The following EFL1 variants were observed in gnomAD, a reference collection of about 807,000 sequenced individuals.
EFL1 encodes elongation factor-like GTPase 1.
EFL1 carries 76 observed loss-of-function variants against 126.7 expected under a neutral mutation model. The ratio of observed to expected loss-of-function variants is 0.60; its 90% CI spans 0.50 to 0.73. The LOEUF is 0.73. Ranked by LOEUF, EFL1 falls within the 30% of genes least tolerant of loss-of-function variation. The probability of loss-of-function intolerance (pLI) is 0.00; values close to 1 mark genes in which losing one functional copy is unlikely to be tolerated. For missense variants in EFL1, 1,128 were observed against 1,343.2 expected (o/e 0.84, Z 2.50); for synonymous variants, 410 against 448.4 (o/e 0.91, Z 1.08).
At chr15:82,162,548 A>G (rs973350552) in intron 16 of EFL1, among the ~76,000 whole-genome samples, 2 of 152,238 alleles carry the variant, frequency 1.3e-5, no homozygotes, top group African/African-American at 4.8e-5. Context: ...ACGAAAGGCC[A>G]GGATCTGAAC....
chr15:82,225,109 T>C, intron 12 of EFL1, 56 bp downstream of exon 12: 4 of 1,407,748 alleles, frequency 2.8e-6, no homozygotes, highest in Non-Finnish European at 3.9e-6. Flanking sequence ...CCCAACTGCA[T>C]CCCACCAAAC....
At chr15:82,223,564 G>A (rs948771609) in intron 12 of EFL1, among the ~76,000 whole-genome samples, 3 of 152,128 alleles carry the variant, frequency 2.0e-5, no homozygotes, top group African/African-American at 7.2e-5. Flanking sequence ...AATGAAGGAT[G>A]GGTAGAGCTA....
intron 15 of EFL1, among the ~76,000 whole-genome samples, chr15:82,201,698 C>CAA (rs57664245): frequency 7.1e-5 from 7 of 98,664 alleles, no homozygotes; most frequent in South Asian, 3.9e-4. Context: ...TAACTTCTTG[C>CAA]AAAAAAAAAA....
chr15:82,139,044 A>AAT (rs1567036986), intron 18 of EFL1, among the ~76,000 whole-genome samples: 1 of 152,208 alleles, frequency 6.6e-6, no homozygotes, highest in Non-Finnish European at 1.5e-5. Flanking sequence ...AACAAAAAAT[A>AAT]ACAAAAAGTT....
At chr15:82,228,903 C>G (rs2074792100) in intron 9 of EFL1, 131 bp downstream of exon 9, 2 of 740,114 alleles carry the variant, frequency 2.7e-6, no homozygotes, top group Admixed American at 3.2e-5. Context: ...GCCCTGTAAT[C>G]AACTCATCTG....
intron 15 of EFL1, among the ~76,000 whole-genome samples, chr15:82,182,249 A>G (rs2141261490): frequency 6.6e-6 from 1 of 152,340 alleles, no homozygotes; most frequent in East Asian, 1.9e-4. Context: ...AAAGAGCAAG[A>G]TTCTGTCTCA....
intron 10 of EFL1, 98 bp from the exon 11 acceptor site, chr15:82,227,670 T>C (rs2141312221): frequency 6.5e-7 from 1 of 1,535,808 alleles, no homozygotes; most frequent in Non-Finnish European, 8.8e-7. Flanking sequence ...ACAAAGTCTG[T>C]CCATACAGAA....
At chr15:82,158,862 G>A (rs780814686) in intron 16 of EFL1, among the ~76,000 whole-genome samples, 1 of 152,182 alleles carries the variant, frequency 6.6e-6, no homozygotes, top group South Asian at 2.1e-4. Context: ...CATTAACGAT[G>A]AGGCGGTATG....
intron 15 of EFL1, among the ~76,000 whole-genome samples, chr15:82,190,817 T>G (rs1315971996): frequency 2.0e-5 from 3 of 152,272 alleles, no homozygotes; most frequent in South Asian, 2.1e-4. Context: ...TACATGTATA[T>G]CTGGATTTAT....
intron 9 of EFL1, among the ~76,000 whole-genome samples, chr15:82,228,663 A>C (rs1027944347): frequency 3.3e-5 from 5 of 152,176 alleles, no homozygotes; most frequent in African/African-American, 1.2e-4. Context: ...ACTAAAGCAA[A>C]CTTATACCAG....
intron 5 of EFL1, 23 bp from the exon 6 acceptor site, chr15:82,240,578 T>C: frequency 6.2e-7 from 1 of 1,610,382 alleles, no homozygotes; most frequent in Non-Finnish European, 8.5e-7. Context: ...GAAAGAAAAA[T>C]GTAAAACTCA....
In EFL1 at chr15:82,186,657, C is replaced by T. The variant is rs147694123; in HGVS notation, c.1751-22673G>A. 7.0e-3 allele frequency among the ~76,000 whole-genome samples: 1,063 copies of T among 152,288 alleles called. 14 individuals are homozygous for T. The highest frequency in any genetic ancestry group is 0.024 in the African/African-American group (1,014 of 41,558). Reference sequence around the variant, plus strand: ...ATGGCCAAGTTTAACAACTGGTTAACAAATTTCCTGAAAATTTAGCAATCT... The same window carrying T: ...ATGGCCAAGTTTAACAACTGGTTAATAAATTTCCTGAAAATTTAGCAATCT... On this transcript the variant is annotated intron_variant, in intron 15 of 19. Coordinates refer to ENST00000268206, the MANE Select transcript of EFL1 (RefSeq NM_024580.6).
At position 82,226,624 on chromosome 15, in the gene EFL1, G is replaced by A. The variant is rs142026673; in HGVS notation, c.1192+826C>T. Among the ~76,000 whole-genome samples the A allele has an allele frequency of 2.8e-3, 434 of 152,308 alleles. 3 individuals carry two copies. Among genetic ancestry groups the A allele is most frequent in the African/African-American group, 0.01 (418 of 41,564 alleles). On this transcript the variant is annotated intron_variant, in intron 11 of 19. Coordinates refer to ENST00000268206, the MANE Select transcript of EFL1 (RefSeq NM_024580.6). ...ATATGTTCAGTTGAGATGCTTCTTA[G>A]ACAACACAGTGTAGAGGGAGTTCTA... is the stretch of plus-strand genomic sequence containing the variant.
intron 15 of EFL1, among the ~76,000 whole-genome samples, chr15:82,186,987 GTTGT>G (rs150923697): frequency 0.013 from 2,006 of 152,306 alleles, 41 homozygotes; most frequent in African/African-American, 0.047. Context: ...CTAGAGGTAT[GTTGT>G]TTGTCATTTC....
intron 15 of EFL1, among the ~76,000 whole-genome samples, chr15:82,165,421 C>A (rs1210848560): frequency 6.6e-6 from 1 of 152,052 alleles, no homozygotes; most frequent in Non-Finnish European, 1.5e-5. Context: ...GCCACCGAAT[C>A]ACACATCCAG....
chr15:82,177,646 G>A (rs1461679749), intron 15 of EFL1, among the ~76,000 whole-genome samples: 1 of 152,100 alleles, frequency 6.6e-6, no homozygotes, highest in Non-Finnish European at 1.5e-5. Context: ...CCTTGATTTT[G>A]GTCTGCTTCA....
rs182557048 is a variant in EFL1 at position 82,158,764 on chromosome 15, C to G, written c.1883-904G>C. 1.2e-3 allele frequency among the ~76,000 whole-genome samples: 186 copies of G among 152,264 alleles called. 1 individual carries two copies. The highest frequency in any genetic ancestry group is 2.2e-3 in the Non-Finnish European group (149 of 68,024). On this transcript the variant is annotated intron_variant, in intron 16 of 19. Coordinates refer to ENST00000268206, the MANE Select transcript of EFL1 (RefSeq NM_024580.6). ...AGCAGGAATATTAGAACTTCTATAC[C>G]TATTTATTTTTGAAATAAAGTTCTA...
chr15:82,167,916 C>T (rs1406033616), intron 15 of EFL1, among the ~76,000 whole-genome samples: 1 of 152,224 alleles, frequency 6.6e-6, no homozygotes, highest in Non-Finnish European at 1.5e-5. Context: ...AACCATCAAC[C>T]TGTTCCTGTT....
Position 82,230,962 on chromosome 15 carries a change from G to A in EFL1, c.741C>T (p.His247=), listed in dbSNP as rs775029953. The A allele has an allele frequency of 6.2e-7, 1 of 1,612,182 alleles. No individual in the cohort carries two copies. Among genetic ancestry groups the A allele is most frequent in the Non-Finnish European group, 8.5e-7 (1 of 1,179,256 alleles). ...TTTTTTGACTGTAGATTCTGGCGAA[G>A]TGCTCAATTCTGAAAGAAGACCAAA... ...AIDGWGFGIE[H]FARIYSQKIG... is the part of the protein sequence containing the mutation. Residue 247 remains histidine (H), a synonymous_variant, in exon 8 of 20, where the codon CAC becomes CAT. Transcript: ENST00000268206.
Sources: allele counts gnomAD v4.1 joint callset (sites outside exome capture counted in the v4.1 genomes callset), GRCh38; gene constraint gnomAD v4.1.1; transcripts MANE v1.5; gene names NCBI Gene and HGNC (gene_info 2026-07-23, HGNC 2026-07-21).